NXPE2: variants seen among roughly 807,000 people sequenced by gnomAD.
NXPE2 encodes the protein neurexophilin and PC-esterase domain family member 2, also known as NXPE family member 2.
In NXPE2, 34 loss-of-function variants were observed where a neutral mutation model predicts 34.4. The ratio of observed to expected loss-of-function variants is 0.99; its 90% CI spans 0.75 to 1.31. The LOEUF (loss-of-function observed/expected upper bound fraction) is 1.31, where lower values mean the gene tolerates loss of function less well. Among genes scored for constraint, NXPE2 ranks in the 40% most tolerant of loss-of-function variants. The probability of loss-of-function intolerance (pLI) is 0.00; values close to 1 mark genes in which losing one functional copy is unlikely to be tolerated. For missense variants in NXPE2, 649 were observed against 672.5 expected (o/e 0.97, Z 0.39); for synonymous variants, 235 against 231.3 (o/e 1.02, Z -0.15).
the NXPE2 span, chr11:114,570,873 G>T: frequency 0.15 from 176,901 of 1,145,274 alleles, 17,505 homozygotes; most frequent in African/African-American, 0.42. Context: ...ACAGCATCTG[G>T]CCTGCTAGTA....
At chr11:114,770,144 TAGA>T in the NXPE2 span, among the ~76,000 whole-genome samples, 1 of 152,324 alleles carries the variant, frequency 6.6e-6, no homozygotes, top group East Asian at 1.9e-4. Flanking sequence ...CAAACTAAAG[TAGA>T]AGATGTAGAC....
chr11:114,717,171 T>G, the NXPE2 span, among the ~76,000 whole-genome samples: 1 of 152,196 alleles, frequency 6.6e-6, no homozygotes, highest in Admixed American at 6.5e-5. Flanking sequence ...TTAACTCTTC[T>G]TGGCTCCACC....
chr11:114,522,258 G>A, the NXPE2 span: 52 of 1,613,888 alleles, frequency 3.2e-5, no homozygotes, highest in Middle Eastern at 1.7e-4. Context: ...ATGGCCCTGC[G>A]AATAAAAATG....
chr11:114,470,603 G>GTGTT, the NXPE2 span, among the ~76,000 whole-genome samples: 3 of 146,362 alleles, frequency 2.0e-5, no homozygotes, highest in African/African-American at 8.3e-5. Flanking sequence ...GTGTGTGTGT[G>GTGTT]TGTGTGTGTG....
At chr11:114,569,945 T>C in the NXPE2 span, among the ~76,000 whole-genome samples, 2 of 152,142 alleles carry the variant, frequency 1.3e-5, no homozygotes, top group Non-Finnish European at 2.9e-5. Flanking sequence ...AAGTTTATTA[T>C]AGGCCCAGAG....
the NXPE2 span, among the ~76,000 whole-genome samples, chr11:114,494,221 T>C: frequency 6.6e-6 from 1 of 152,188 alleles, no homozygotes; most frequent in African/African-American, 2.4e-5. Flanking sequence ...ATCCTTTTTG[T>C]ACTTGAATAT....
At chr11:114,622,268 G>A in the NXPE2 span, among the ~76,000 whole-genome samples, 5 of 150,518 alleles carry the variant, frequency 3.3e-5, no homozygotes, top group African/African-American at 2.4e-5. Flanking sequence ...GTGTTGCCTC[G>A]TGAGTAATCA....
chr11:114,491,200 AG>A, the NXPE2 span, among the ~76,000 whole-genome samples: 1 of 150,000 alleles, frequency 6.7e-6, no homozygotes, highest in Non-Finnish European at 1.5e-5. Flanking sequence ...GCACAGCCAA[AG>A]AAACTACCAT....
At chr11:114,684,679 A>C (rs1393901848) in intron 2 of NXPE2, among the ~76,000 whole-genome samples, 1 of 152,132 alleles carries the variant, frequency 6.6e-6, no homozygotes, top group Non-Finnish European at 1.5e-5. Flanking sequence ...GAAGGTTAGA[A>C]CAGCAATTAA....
At chr11:114,548,837 A>G in the NXPE2 span, among the ~76,000 whole-genome samples, 4 of 151,934 alleles carry the variant, frequency 2.6e-5, no homozygotes, top group African/African-American at 7.2e-5. Context: ...AATACAGAAA[A>G]ATAGTAGAAG....
At chr11:114,641,209 G>A in the NXPE2 span, among the ~76,000 whole-genome samples, 7 of 151,860 alleles carry the variant, frequency 4.6e-5, no homozygotes, top group African/African-American at 1.7e-4. Flanking sequence ...GGAATATAGA[G>A]TTGAGAAAAC....
At chr11:114,670,967 C>A in the NXPE2 span, among the ~76,000 whole-genome samples, 7 of 149,996 alleles carry the variant, frequency 4.7e-5, no homozygotes, top group Non-Finnish European at 1.0e-4. Context: ...TTAAAGGAAG[C>A]CCTGCTTAAA....
At chr11:114,567,502 CA>C in the NXPE2 span, among the ~76,000 whole-genome samples, 1 of 151,986 alleles carries the variant, frequency 6.6e-6, no homozygotes, top group African/African-American at 2.4e-5. Flanking sequence ...GACCTTCTTT[CA>C]AGTTTTTTTT....
At chr11:114,580,701 C>A in the NXPE2 span, among the ~76,000 whole-genome samples, 2 of 152,128 alleles carry the variant, frequency 1.3e-5, no homozygotes, top group East Asian at 3.9e-4. Flanking sequence ...CTCACTTTAC[C>A]CCTAAGTTTG....
chr11:114,469,927 T>C, the NXPE2 span, among the ~76,000 whole-genome samples: 1 of 152,238 alleles, frequency 6.6e-6, no homozygotes, highest in Non-Finnish European at 1.5e-5. Flanking sequence ...TAGAGTTTTA[T>C]ATAAGTGAAA....
the NXPE2 span, chr11:114,571,620 G>T: frequency 1.3e-6 from 1 of 781,172 alleles, no homozygotes; most frequent in Non-Finnish European, 2.0e-6. Context: ...GGATGTTTTT[G>T]AAAATTATTT....
At chr11:114,677,009 T>A (rs551480616), upstream of NXPE2, among the ~76,000 whole-genome samples, 2 of 152,146 alleles carry the variant, frequency 1.3e-5, no homozygotes, top group South Asian at 4.1e-4. Context: ...AATGGGCCAA[T>A]CACAGAACAC....
rs374433461 is a variant in NXPE2, at chr11:114,698,037, T to C, written c.133-8T>C. On this transcript the variant is annotated splice_polypyrimidine_tract_variant and splice_region_variant and intron_variant, in intron 2 of 5. Transcript: ENST00000389586. ...GATGATATTTTCTTTTCCCTTTCAA[T>C]ATTTCAGTTCTCGTTCAACTTGGAA... 1.0e-5 allele frequency: 15 copies of C among 1,470,280 alleles called. No individual in the cohort carries two copies. Among genetic ancestry groups the C allele is most frequent in the Non-Finnish European group, 1.3e-5 (14 of 1,106,252 alleles). 91.1% of individuals were successfully genotyped at this position (1,470,280 alleles called of 1,614,324 possible). A position where few individuals can be genotyped will look rare whatever the true frequency, so the allele number is the denominator to read the frequency against.
chr11:114,803,127 C>T, the NXPE2 span, among the ~76,000 whole-genome samples: 24 of 152,218 alleles, frequency 1.6e-4, no homozygotes, highest in Admixed American at 1.5e-3. Context: ...AGGGGCCACA[C>T]GGCCTTTGTC....
Sources: gnomAD v4.1 joint callset for allele counts (sites outside exome capture counted in the v4.1 genomes callset) on GRCh38, gnomAD v4.1.1 for gene constraint, MANE v1.5 for transcripts, NCBI Gene and HGNC (gene_info 2026-07-23, HGNC 2026-07-21) for gene names.